FAM149A: variants seen among roughly 807,000 people sequenced by gnomAD.
The protein encoded by FAM149A is protein FAM149A.
Under a neutral mutation model 78.2 loss-of-function variants are expected in FAM149A, and 71 were observed. That is an observed-to-expected ratio of 0.91 (90% CI 0.75 to 1.11). The LOEUF is 1.11. FAM149A is among the 50% of genes least tolerant of loss of function. The probability of loss-of-function intolerance (pLI) is 0.00; values close to 1 mark genes in which losing one functional copy is unlikely to be tolerated. For missense variants in FAM149A, 1,036 were observed against 971.0 expected (o/e 1.07, Z -0.89); for synonymous variants, 446 against 410.5 (o/e 1.09, Z -1.04).
Position 186,149,657 on chromosome 4 carries a change from A to G in FAM149A, c.742A>G (p.Thr248Ala), listed in dbSNP as rs1211552368. The stretch of plus-strand genomic sequence containing the variant: ...TGGGTCGGCCACACAGAGCTCTACC[A>G]CCGGCTCATCCACGGAGAGGGGCTC... The change falls in exon 3 of 14, where the codon ACC becomes GCC. Residue 248 changes from threonine (T) to alanine (A), a missense_variant. Thr to Ala is a moderately conservative substitution (Grantham distance 58, BLOSUM62 0). Around this residue, in one of 3 missense-constraint regions of FAM149A, gnomAD observed 716 missense variants for 711.8 expected, o/e 1.01. Transcript: ENST00000389354. The G allele has an allele frequency of 1.6e-6, 2 of 1,289,720 alleles. No homozygotes were observed. The highest frequency in any genetic ancestry group is 5.6e-5 in the East Asian group (1 of 18,012). 79.9% of individuals were successfully genotyped at this position (1,289,720 alleles called of 1,614,324 possible). A position where few individuals can be genotyped will look rare whatever the true frequency, so the allele number is the denominator to read the frequency against.
chr4:186,168,665 C>CTT (rs1455257481), intron 13 of FAM149A, among the ~76,000 whole-genome samples: 1 of 152,176 alleles, frequency 6.6e-6, no homozygotes, highest in East Asian at 1.9e-4. Flanking sequence ...CCAGGTGTTG[C>CTT]TTGTAACACG....
chr4:186,149,341 G>A, intron 2 of FAM149A, 58 bp downstream of exon 2: 1 of 1,260,876 alleles, frequency 7.9e-7, no homozygotes, highest in Non-Finnish European at 1.0e-6. Context: ...ACAAATGTGG[G>A]AAGGAAGTTA....
At chr4:186,120,726 G>C (rs1215574157) in intron 1 of FAM149A, among the ~76,000 whole-genome samples, 1 of 147,120 alleles carries the variant, frequency 6.8e-6, no homozygotes, top group South Asian at 2.2e-4. Context: ...CCAGGGAGGT[G>C]GAGCTTGCAG....
At chr4:186,109,156 C>T in intron 1 of FAM149A, 1 of 985,348 alleles carries the variant, frequency 1.0e-6, no homozygotes, top group Non-Finnish European at 1.2e-6. Context: ...CGGTCTTATT[C>T]TCTTATTTGT....
In FAM149A at chr4:186,144,933, G is replaced by A; in HGVS notation, c.567-4240G>A. The A allele has an allele frequency of 4.1e-6, 1 of 243,022 alleles. No homozygotes were observed. Among genetic ancestry groups the A allele is most frequent in the Non-Finnish European group, 4.7e-6 (1 of 214,560 alleles). The allele number at this position is 243,022 out of a possible 1,614,324, so 15.1% of individuals were successfully genotyped here. On this transcript the variant is annotated intron_variant, in intron 1 of 13. Transcript: ENST00000389354. The surrounding 1 kb of genome is among the most constrained non-coding windows in gnomAD (Gnocchi z 4.2). ...GCTGGGCCAGCCGCGCGGCGGGCGC[G>A]GGCGCGGGCGCGGGCGCGGGCGCGG...
rs575986585 is a variant in FAM149A at position 186,158,086 on chromosome 4, G to A, written c.1575+367G>A. The A allele has an allele frequency of 2.6e-4, 345 of 1,349,574 alleles. 1 individual carries two copies. The highest frequency in any genetic ancestry group is 3.0e-4 in the Non-Finnish European group (304 of 1,026,094). The allele number at this position is 1,349,574 out of a possible 1,614,324, so 83.6% of individuals were successfully genotyped here. The stretch of plus-strand genomic sequence containing the variant: ...TGGGAGAAGCTGCTGCTGGCAGCTC[G>A]TGCCATTGTTGCTGTTGAACCCTGC... On this transcript the variant is annotated intron_variant, in intron 8 of 13. Transcript: ENST00000389354.
intron 1 of FAM149A, among the ~76,000 whole-genome samples, chr4:186,138,662 A>G (rs2099324533): frequency 6.6e-6 from 1 of 152,130 alleles, no homozygotes; most frequent in Non-Finnish European, 1.5e-5. Context: ...TGTTTTGTAG[A>G]AGGCCGCTCC....
At chr4:186,169,408 G>A in intron 13 of FAM149A, 1 of 985,396 alleles carries the variant, frequency 1.0e-6, no homozygotes, top group Non-Finnish European at 1.2e-6. Context: ...ACGTCCCCAG[G>A]CCCCAGGTGA....
In FAM149A at chr4:186,144,993, G is replaced by A. The variant is rs1207842236; in HGVS notation, c.567-4180G>A. 4 of 980,912 alleles carry A rather than the reference G, an allele frequency of 4.1e-6. No homozygotes were observed. The highest frequency in any genetic ancestry group is 2.3e-4 in the East Asian group (2 of 8,696). 60.8% of individuals were successfully genotyped at this position (980,912 alleles called of 1,614,324 possible). ...GAGCCCCAGCCCCGGGGCCGCGGGG[G>A]CGCGTGACCGGCTGTCTGCGTGGGG... On this transcript the variant is annotated intron_variant, in intron 1 of 13. Coordinates refer to ENST00000389354, the MANE Select transcript of FAM149A (RefSeq NM_001367768.3). The surrounding 1 kb of genome is among the most constrained non-coding windows in gnomAD (Gnocchi z 4.2).
intron 1 of FAM149A, among the ~76,000 whole-genome samples, chr4:186,110,542 C>G (rs906876873): frequency 3.0e-5 from 4 of 132,336 alleles, no homozygotes; most frequent in East Asian, 2.3e-4. Flanking sequence ...TATCCCTCCC[C>G]CCTCCCCCAA....
At chr4:186,156,248 G>C (rs1734027034) in intron 7 of FAM149A, 58 bp downstream of exon 7, 2 of 1,446,926 alleles carry the variant, frequency 1.4e-6, no homozygotes, top group African/African-American at 1.4e-5. Flanking sequence ...CTTCGGCCCT[G>C]GGCTCCTGCT....
intron 1 of FAM149A, among the ~76,000 whole-genome samples, chr4:186,145,396 G>T (rs1732957933): frequency 6.6e-6 from 1 of 152,186 alleles, no homozygotes; most frequent in Non-Finnish European, 1.5e-5. Context: ...GTGCCCCTGT[G>T]TGTCCCCCCA....
intron 3 of FAM149A, chr4:186,150,992 AC>A (rs1733533036): frequency 5.1e-6 from 5 of 983,610 alleles, no homozygotes; most frequent in Non-Finnish European, 6.0e-6. Context: ...GGCATGAGCC[AC>A]TGCGCCCAGC....
At chr4:186,145,085 G>A in intron 1 of FAM149A, 1 of 985,520 alleles carries the variant, frequency 1.0e-6, no homozygotes, top group Non-Finnish European at 1.2e-6. Context: ...GGGGCTGCGA[G>A]CACAGGCCCG....
At chr4:186,166,533 C>T (rs751912256) in intron 11 of FAM149A, among the ~76,000 whole-genome samples, 6 of 151,920 alleles carry the variant, frequency 3.9e-5, no homozygotes, top group Non-Finnish European at 7.4e-5. Flanking sequence ...TGCCTGTAAT[C>T]CTCACTACTC....
At chr4:186,150,086 C>A (rs1439422233) in intron 3 of FAM149A, among the ~76,000 whole-genome samples, 1 of 152,020 alleles carries the variant, frequency 6.6e-6, no homozygotes, top group Non-Finnish European at 1.5e-5. Flanking sequence ...GAGAACTCCC[C>A]GCCAGTATTC....
At chr4:186,119,520 A>C (rs548946298) in intron 1 of FAM149A, among the ~76,000 whole-genome samples, 25 of 152,350 alleles carry the variant, frequency 1.6e-4, no homozygotes, top group African/African-American at 5.5e-4. Context: ...TAAAGAGGTT[A>C]TTAAGGCAAA....
intron 1 of FAM149A, chr4:186,110,048 A>C: frequency 1.0e-6 from 1 of 985,428 alleles, no homozygotes. Flanking sequence ...CCTCCACTGA[A>C]ACCCTGTGAT....
At chr4:186,150,580 C>T (rs1322892057) in intron 3 of FAM149A, among the ~76,000 whole-genome samples, 4 of 42,102 alleles carry the variant, frequency 9.5e-5, no homozygotes, top group Admixed American at 2.5e-4. Flanking sequence ...CCACCACGCC[C>T]GGCTAATTTT....
Sources: allele counts gnomAD v4.1 joint callset (sites outside exome capture counted in the v4.1 genomes callset), GRCh38; gene constraint gnomAD v4.1.1; regional missense constraint gnomAD v4.1.1; non-coding constraint Gnocchi (gnomAD v3.1); transcripts MANE v1.5; gene names NCBI Gene and HGNC (gene_info 2026-07-23, HGNC 2026-07-21).